FILIP1: variants seen among roughly 807,000 people sequenced by gnomAD.
FILIP1 encodes the protein filamin A interacting protein 1.
In FILIP1, 61 loss-of-function variants were observed where a neutral mutation model predicts 102.1. The ratio of observed to expected loss-of-function variants is 0.60; its 90% confidence interval spans 0.49 to 0.74. The LOEUF is 0.74. FILIP1 is among the 30% of genes least tolerant of loss of function. The pLI, the probability that FILIP1 is intolerant of heterozygous loss-of-function variation, is 0.00. For synonymous variants in FILIP1, 491 were observed against 526.9 expected, an observed-to-expected ratio of 0.93 and a Z score of 0.93; for missense variants, 1,314 against 1,441.2, an observed-to-expected ratio of 0.91 and a Z score of 1.43.
At chr6:75,480,897 A>T (rs1045471390) in intron 1 of FILIP1, among the ~76,000 whole-genome samples, 1 of 152,254 alleles carries the variant, frequency 6.6e-6, no homozygotes, top group Non-Finnish European at 1.5e-5. Context: ...TTTTTAAAAC[A>T]TTAAAATTGT....
At chr6:75,465,288 CT>C in intron 1 of FILIP1, 2 of 314,616 alleles carry the variant, frequency 6.4e-6, no homozygotes, top group South Asian at 7.1e-5. Flanking sequence ...ACAATTGGGC[CT>C]CCAAGAACAA....
At chr6:75,298,776 G>A (rs954802777) in intron 6 of FILIP1, among the ~76,000 whole-genome samples, 6 of 152,006 alleles carry the variant, frequency 3.9e-5, no homozygotes, top group Non-Finnish European at 7.4e-5. Context: ...AAATAAGCTG[G>A]GCGTGGTGGT....
intron 2 of FILIP1, among the ~76,000 whole-genome samples, chr6:75,399,878 C>A (rs983737915): frequency 2.0e-5 from 3 of 152,058 alleles, no homozygotes; most frequent in Non-Finnish European, 4.4e-5. Flanking sequence ...ATCAAAGTAA[C>A]CTGAAGAGTA....
At chr6:75,357,595 A>G (rs1775046684) in intron 3 of FILIP1, among the ~76,000 whole-genome samples, 1 of 152,238 alleles carries the variant, frequency 6.6e-6, no homozygotes, top group Non-Finnish European at 1.5e-5. Context: ...GCATTGGTGT[A>G]TGTAATGTGT....
At chr6:75,478,626 G>A (rs1163321127) in intron 1 of FILIP1, among the ~76,000 whole-genome samples, 1 of 152,096 alleles carries the variant, frequency 6.6e-6, no homozygotes. Context: ...CAAGACAGGT[G>A]GTGTTCTGGA....
intron 1 of FILIP1, among the ~76,000 whole-genome samples, chr6:75,478,012 A>G (rs1416961022): frequency 6.6e-6 from 1 of 152,216 alleles, no homozygotes; most frequent in Non-Finnish European, 1.5e-5. Flanking sequence ...ATTGTAATTA[A>G]CAGAATTAAA....
chr6:75,483,101 A>G (rs1779689549), intron 1 of FILIP1, among the ~76,000 whole-genome samples: 1 of 152,148 alleles, frequency 6.6e-6, no homozygotes, highest in Admixed American at 6.6e-5. Flanking sequence ...ATTTTACTGG[A>G]CAACACACAT....
intron 3 of FILIP1, among the ~76,000 whole-genome samples, chr6:75,355,553 TCATCACGTCC>T (rs1274831970): frequency 4.0e-5 from 6 of 151,838 alleles, no homozygotes; most frequent in Admixed American, 2.0e-4. Context: ...AGGGCACAAG[TCATCACGTCC>T]AGCTAATTTT....
chr6:75,451,603 G>A (rs1778633708), intron 1 of FILIP1, among the ~76,000 whole-genome samples: 1 of 152,160 alleles, frequency 6.6e-6, no homozygotes, highest in Admixed American at 6.5e-5. Context: ...GGCCAAGGCA[G>A]TCTGATCACT....
At chr6:75,482,975 A>G (rs1446435363) in intron 1 of FILIP1, among the ~76,000 whole-genome samples, 1 of 152,158 alleles carries the variant, frequency 6.6e-6, no homozygotes, top group Non-Finnish European at 1.5e-5. Context: ...TTACATGTAA[A>G]TATGTGTCAC....
chr6:75,383,640 T>C (rs1265328998), intron 2 of FILIP1, among the ~76,000 whole-genome samples: 2 of 152,222 alleles, frequency 1.3e-5, no homozygotes, highest in Non-Finnish European at 2.9e-5. Flanking sequence ...TATACAAATG[T>C]AGTAGTAACA....
At chr6:75,302,045 A>G (rs1269392659) in intron 6 of FILIP1, among the ~76,000 whole-genome samples, 1 of 151,838 alleles carries the variant, frequency 6.6e-6, no homozygotes, top group Non-Finnish European at 1.5e-5. Context: ...CTGCTGGGGG[A>G]GTCGGAAAGG....
chr6:75,398,789 A>T (rs1776549426), intron 2 of FILIP1: 1 of 152,208 alleles, frequency 6.6e-6, no homozygotes. Flanking sequence ...ACTATCTTTT[A>T]AAAAGTTTTA....
chr6:75,469,707 T>C (rs1450879794), intron 1 of FILIP1, among the ~76,000 whole-genome samples: 1 of 152,066 alleles, frequency 6.6e-6, no homozygotes, highest in Non-Finnish European at 1.5e-5. Context: ...AAAAGAATAA[T>C]GCACTATGAT....
chr6:75,296,606 T>C (rs568209095), intron 6 of FILIP1: 16 of 150,430 alleles, frequency 1.1e-4, no homozygotes, highest in African/African-American at 3.9e-4. Context: ...TTCACGCCAT[T>C]CTCCTGTCTC....
At chr6:75,433,117 G>A (rs998756283) in intron 1 of FILIP1, among the ~76,000 whole-genome samples, 16 of 152,172 alleles carry the variant, frequency 1.1e-4, no homozygotes, top group East Asian at 1.9e-4. Flanking sequence ...TTGCTATTGT[G>A]AATAGTGCTA....
chr6:75,316,182 C>T (rs953801997), intron 4 of FILIP1, among the ~76,000 whole-genome samples: 3 of 152,040 alleles, frequency 2.0e-5, no homozygotes, highest in Non-Finnish European at 4.4e-5. Context: ...AGCTATTTAC[C>T]ATTCTTGGGT....
chr6:75,393,278 TAATA>T (rs772668854), intron 2 of FILIP1, among the ~76,000 whole-genome samples: 7 of 152,168 alleles, frequency 4.6e-5, no homozygotes, highest in Admixed American at 6.5e-5. Flanking sequence ...TTTTAAATGT[TAATA>T]AATAAAGTTA....
intron 2 of FILIP1, among the ~76,000 whole-genome samples, chr6:75,397,366 C>T (rs1286903979): frequency 6.6e-6 from 1 of 151,600 alleles, no homozygotes; most frequent in East Asian, 1.9e-4. Context: ...CCTTTCTAAA[C>T]TCAAAGCTAG....
Sources: gnomAD v4.1 joint callset for allele counts (sites outside exome capture counted in the v4.1 genomes callset) on GRCh38, gnomAD v4.1.1 for gene constraint, MANE v1.5 for transcripts, NCBI Gene and HGNC (gene_info 2026-07-23, HGNC 2026-07-21) for gene names.